Variants in RCHY1 observed in about 807,000 individuals in gnomAD.
RCHY1 encodes RING finger and CHY zinc finger domain-containing protein 1.
A neutral mutation model predicts 41.6 loss-of-function variants in RCHY1; 21 were observed. The observed-to-expected ratio is 0.51, with a 90% CI of 0.36 to 0.73. The LOEUF is 0.73. RCHY1 is among the 30% of genes least tolerant of loss of function. The pLI, the probability that RCHY1 is intolerant of heterozygous loss-of-function variation, is 0.00. For missense variants in RCHY1, 265 were observed against 325.3 expected, an observed-to-expected ratio of 0.81 and a Z score of 1.43; for synonymous variants, 79 against 102.9, an observed-to-expected ratio of 0.77 and a Z score of 1.41.
Position 75,482,433 on chromosome 4 carries a change from C to T in RCHY1, c.*105G>A. ...TTTATGCTGTGACACTAGTACAAAA[C>T]ACATCAACTCTAATGCATAGATGAC... On this transcript the variant is annotated 3_prime_UTR_variant, in exon 9 of 9. Coordinates refer to ENST00000324439, the MANE Select transcript of RCHY1 (RefSeq NM_015436.4). The T allele has an allele frequency of 1.9e-6, 2 of 1,053,712 alleles. No individual in the cohort carries two copies. The highest frequency in any genetic ancestry group is 2.6e-6 in the Non-Finnish European group (2 of 761,052). 65.3% of individuals were successfully genotyped at this position (1,053,712 alleles called of 1,614,324 possible). A position where few individuals can be genotyped will look rare whatever the true frequency, so the allele number is the denominator to read the frequency against.
intron 3 of RCHY1, among the ~76,000 whole-genome samples, chr4:75,508,106 C>CA (rs1406155447): frequency 1.3e-5 from 2 of 148,780 alleles, no homozygotes; most frequent in Non-Finnish European, 3.0e-5. Context: ...ACAAAAAAAA[C>CA]AAAAAAAAAG....
chr4:75,496,813 A>G (rs1723251513), intron 3 of RCHY1, among the ~76,000 whole-genome samples: 2 of 152,058 alleles, frequency 1.3e-5, no homozygotes, highest in Admixed American at 1.3e-4. Flanking sequence ...ATAAAAAGAA[A>G]AATCACATCT....
At position 75,509,200 on chromosome 4, in the gene RCHY1, T is replaced by C. The variant is rs1724630640; in HGVS notation, c.187A>G (p.Ile63Val). The C allele has an allele frequency of 6.8e-6, 11 of 1,612,866 alleles. No homozygotes were observed. The highest frequency in any genetic ancestry group is 9.3e-6 in the Non-Finnish European group (11 of 1,179,292). The change falls in exon 2 of 9, where the codon ATA becomes GTA. Residue 63 changes from isoleucine to valine, a missense_variant. By Grantham distance (29) the Ile-to-Val change is conservative (BLOSUM62 3). Coordinates refer to ENST00000324439, the MANE Select transcript of RCHY1 (RefSeq NM_015436.4). ...DRFKVKEVQCINCEKIQHAQQ... is the reference protein window; with the variant it reads ...DRFKVKEVQCVNCEKIQHAQQ... ...ACATGTTGAATTTTTTCACAGTTTA[T>C]GCACTGCACTTCCTTCACTTTAAAG...
chr4:75,487,642 CATATATATTCATA>C (rs1560512944), intron 8 of RCHY1, among the ~76,000 whole-genome samples: 1 of 8,892 alleles, frequency 1.1e-4, no homozygotes, highest in African/African-American at 3.3e-4. Flanking sequence ...TATATATATT[CATATATATTCATA>C]ATATATATAT....
rs1040189345 is a variant in RCHY1 at position 75,503,461 on chromosome 4, C to G, written c.326+5359G>C. 2.6e-5 allele frequency among the ~76,000 whole-genome samples: 4 copies of G among 152,058 alleles called. No individual in the cohort carries two copies. In the East Asian group the frequency reaches 5.8e-4, roughly 22 times the overall value. ...CCTGTAATTCCAGCATTTTGGGAGG[C>G]CAAGGTGGGCGGATCACGAGGTCAG... On this transcript the variant is annotated intron_variant, in intron 3 of 8. Coordinates refer to ENST00000324439, the MANE Select transcript of RCHY1 (RefSeq NM_015436.4).
At chr4:75,498,432 A>C (rs1393538984) in intron 3 of RCHY1, among the ~76,000 whole-genome samples, 1 of 151,106 alleles carries the variant, frequency 6.6e-6, no homozygotes, top group Non-Finnish European at 1.5e-5. Flanking sequence ...GAAATCCTAA[A>C]ATTTATATGG....
intron 3 of RCHY1, 90 bp from the exon 4 acceptor site, chr4:75,494,269 TA>T: frequency 2.5e-5 from 23 of 905,934 alleles, no homozygotes; most frequent in Admixed American, 6.1e-5. Flanking sequence ...TTAGTCTCTG[TA>T]AAAAAAATTT....
At chr4:75,507,450 T>C (rs894053951) in intron 3 of RCHY1, among the ~76,000 whole-genome samples, 11 of 151,650 alleles carry the variant, frequency 7.3e-5, no homozygotes, top group African/African-American at 2.7e-4. Flanking sequence ...AAAAGACAAA[T>C]ACTAAGGCAA....
At chr4:75,484,199 G>A (rs1721790126) in intron 8 of RCHY1, among the ~76,000 whole-genome samples, 1 of 152,144 alleles carries the variant, frequency 6.6e-6, no homozygotes, top group Non-Finnish European at 1.5e-5. Context: ...GAGCACCAAG[G>A]GGACCCAGTA....
intron 5 of RCHY1, 52 bp from the exon 6 acceptor site, chr4:75,491,834 A>G (rs1560517210): frequency 2.5e-6 from 4 of 1,601,338 alleles, no homozygotes; most frequent in South Asian, 1.1e-5. Context: ...TAAACATCCA[A>G]GTATTTTAAA....
intron 1 of RCHY1, 60 bp downstream of exon 1, chr4:75,514,137 A>C (rs758532156): frequency 6.4e-7 from 1 of 1,571,082 alleles, no homozygotes; most frequent in African/African-American, 1.3e-5. Context: ...CCACCTGCCC[A>C]GCCCGCCCCA....
chr4:75,491,273 C>G (rs1159302763), intron 7 of RCHY1: 1 of 199,878 alleles, frequency 5.0e-6, no homozygotes, highest in African/African-American at 2.3e-5. Context: ...AATATAACAA[C>G]CTAACAAATT....
intron 4 of RCHY1, among the ~76,000 whole-genome samples, chr4:75,493,114 C>CATTAGCTATCTCCATTAGCATAT (rs1416787971): frequency 6.6e-5 from 10 of 151,962 alleles, no homozygotes; most frequent in African/African-American, 2.4e-4. Context: ...CTATTGACTC[C>CATTAGCTATCTCCATTAGCATAT]TGGCTATCTC....
intron 8 of RCHY1, among the ~76,000 whole-genome samples, chr4:75,487,709 TATATATTCATATATATATTCATA>T (rs1205688025): frequency 4.2e-4 from 44 of 105,494 alleles, no homozygotes; most frequent in African/African-American, 1.3e-3. Context: ...ATATTCATAA[TATATATTCATATATATATTCATA>T]ATATATATTC....
At chr4:75,514,173 G>T in intron 1 of RCHY1, 24 bp downstream of exon 1, 1 of 1,595,560 alleles carries the variant, frequency 6.3e-7, no homozygotes, top group Non-Finnish European at 8.6e-7. Context: ...AGCTTGTCAG[G>T]GAAGAGTCCA....
intron 8 of RCHY1, among the ~76,000 whole-genome samples, chr4:75,487,630 A>AT (rs71203818): frequency 0.19 from 2,614 of 13,910 alleles, 405 homozygotes; most frequent in Non-Finnish European, 0.23. Flanking sequence ...ATATATTCAT[A>AT]ATATATATAT....
intron 1 of RCHY1, among the ~76,000 whole-genome samples, chr4:75,510,558 C>G (rs1724763706): frequency 6.6e-6 from 1 of 152,142 alleles, no homozygotes; most frequent in Non-Finnish European, 1.5e-5. Flanking sequence ...ACTCTCAGTT[C>G]CTTAACTTTG....
intron 3 of RCHY1, among the ~76,000 whole-genome samples, chr4:75,497,961 G>A (rs563636182): frequency 5.3e-5 from 8 of 151,220 alleles, no homozygotes; most frequent in Non-Finnish European, 7.4e-5. Flanking sequence ...GATTACCCCC[G>A]GGACAGACTT....
chr4:75,499,076 C>T (rs887699785), intron 3 of RCHY1, among the ~76,000 whole-genome samples: 3 of 151,886 alleles, frequency 2.0e-5, no homozygotes, highest in African/African-American at 7.3e-5. Flanking sequence ...AGAGCTCAGA[C>T]AACTTAATAA....
Sources: allele counts gnomAD v4.1 joint callset (sites outside exome capture counted in the v4.1 genomes callset), GRCh38; gene constraint gnomAD v4.1.1; transcripts MANE v1.5; gene names NCBI Gene and HGNC (gene_info 2026-07-23, HGNC 2026-07-21).